Variants in UMAD1 observed in about 807,000 individuals in gnomAD.
The protein encoded by UMAD1 is UBAP1-MVB12-associated (UMA)-domain containing protein 1.
UMAD1 carries 8 observed loss-of-function variants against 6.1 expected under a neutral mutation model. The observed-to-expected ratio is 1.30, with a 90% CI of 0.76 to 2.35. The LOEUF (loss-of-function observed/expected upper bound fraction) is 2.35, where lower values mean the gene tolerates loss of function less well. Ranked by LOEUF, UMAD1 falls within the 30% of genes most tolerant of loss-of-function variation. The pLI is 0.00. For missense variants in UMAD1, 130 were observed against 78.4 expected (o/e 1.66, Z -2.49); for synonymous variants, 56 against 31.4 (o/e 1.78, Z -2.61).
At chr7:7,680,691 T>A (rs1041384972) in intron 2 of UMAD1, among the ~76,000 whole-genome samples, 4 of 152,134 alleles carry the variant, frequency 2.6e-5, no homozygotes, top group African/African-American at 9.7e-5. Flanking sequence ...TCTTTCCATT[T>A]TTTTTTATGT....
At chr7:7,864,868 G>C (rs549251467) in intron 3 of UMAD1, among the ~76,000 whole-genome samples, 2 of 152,178 alleles carry the variant, frequency 1.3e-5, no homozygotes, top group South Asian at 2.1e-4. Context: ...AGAAGAGCTA[G>C]AGATTGAGTT....
chr7:7,652,054 G>A (rs995780820), intron 1 of UMAD1, among the ~76,000 whole-genome samples: 1 of 152,170 alleles, frequency 6.6e-6, no homozygotes, highest in African/African-American at 2.4e-5. Context: ...ATCTAGTCCT[G>A]TAAGACTTTG....
At chr7:7,677,969 G>A (rs1277031506) in intron 2 of UMAD1, among the ~76,000 whole-genome samples, 3 of 151,898 alleles carry the variant, frequency 2.0e-5, no homozygotes, top group South Asian at 4.1e-4. Context: ...CACCGCGCCC[G>A]GCCTATCTAT....
chr7:7,780,066 C>T (rs536297623), intron 2 of UMAD1, among the ~76,000 whole-genome samples: 1 of 152,352 alleles, frequency 6.6e-6, no homozygotes, highest in East Asian at 1.9e-4. Context: ...ACTGACTGGC[C>T]TGCCAAGGGG....
intron 2 of UMAD1, among the ~76,000 whole-genome samples, chr7:7,737,597 C>T (rs1450052228): frequency 6.6e-6 from 1 of 152,198 alleles, no homozygotes; most frequent in African/African-American, 2.4e-5. Context: ...ATTCATTTCA[C>T]CTATGACAGT....
intron 3 of UMAD1, among the ~76,000 whole-genome samples, chr7:7,821,827 GATGTTT>G (rs1291317240): frequency 1.3e-5 from 2 of 152,120 alleles, no homozygotes. Flanking sequence ...GTATTCAGTT[GATGTTT>G]ATGGTAACAT....
chr7:7,728,479 G>A (rs1422173508), intron 2 of UMAD1, among the ~76,000 whole-genome samples: 2 of 151,954 alleles, frequency 1.3e-5, no homozygotes, highest in South Asian at 2.1e-4. Flanking sequence ...CCCCGTCTCT[G>A]CTAAAAATAC....
intron 3 of UMAD1, among the ~76,000 whole-genome samples, chr7:7,846,922 G>A: frequency 8.8e-6 from 1 of 113,386 alleles, no homozygotes; most frequent in African/African-American, 3.7e-5. Flanking sequence ...CGGGGGAGGG[G>A]GTAGGGATAG....
chr7:7,644,714 C>G (rs28916283), intron 1 of UMAD1, among the ~76,000 whole-genome samples: 6 of 152,068 alleles, frequency 3.9e-5, no homozygotes, highest in Admixed American at 3.9e-4. Flanking sequence ...TTTTTCTATC[C>G]CTGAACCACT....
intron 2 of UMAD1, chr7:7,676,311 G>A (rs530843420): frequency 5.1e-6 from 2 of 394,068 alleles, no homozygotes; most frequent in South Asian, 1.4e-4. Context: ...GTTAATGTGT[G>A]TAAAATGTTT....
intron 2 of UMAD1, among the ~76,000 whole-genome samples, chr7:7,708,566 G>A (rs996457361): frequency 2.0e-5 from 3 of 152,144 alleles, no homozygotes; most frequent in African/African-American, 7.2e-5. Flanking sequence ...TTGAAACATT[G>A]AAAGGAAACC....
chr7:7,747,391 C>A (rs1165207260), intron 2 of UMAD1, among the ~76,000 whole-genome samples: 18 of 152,136 alleles, frequency 1.2e-4, no homozygotes, highest in Admixed American at 1.2e-3. Flanking sequence ...TCAGAAATCC[C>A]TAGAACAAGG....
rs919392922 is a variant in UMAD1, at chr7:7,800,693, G to A, written c.83-977G>A. On this transcript the variant is annotated intron_variant, in intron 2 of 3. Transcript: ENST00000682710. ...TTCATGAGACTTTTCCTTGATTATA[G>A]CCATGAGTAAACTAAACTTTTGTGT... Among the ~76,000 whole-genome samples, 3 of 152,150 alleles carry A rather than the reference G, an allele frequency of 2.0e-5. No homozygotes were observed. In the East Asian group the frequency reaches 5.8e-4, roughly 29 times the overall value.
intron 2 of UMAD1, among the ~76,000 whole-genome samples, chr7:7,674,391 C>T (rs1408207553): frequency 1.3e-5 from 2 of 152,186 alleles, no homozygotes; most frequent in Non-Finnish European, 2.9e-5. Flanking sequence ...AGGGTAATCT[C>T]TGTGAGACCA....
At chr7:7,777,129 T>C (rs114905696) in intron 2 of UMAD1, among the ~76,000 whole-genome samples, 2,342 of 152,292 alleles carry the variant, frequency 0.015, 59 homozygotes, top group African/African-American at 0.053. Flanking sequence ...TGACAGTTAG[T>C]ATTGTATTAT....
intron 2 of UMAD1, among the ~76,000 whole-genome samples, chr7:7,734,916 C>T (rs534525317): frequency 1.3e-5 from 2 of 151,974 alleles, no homozygotes; most frequent in East Asian, 1.9e-4. Flanking sequence ...GACTACTATA[C>T]CAAAAAGCAG....
chr7:7,762,105 G>T (rs1001139362), intron 2 of UMAD1, among the ~76,000 whole-genome samples: 1 of 152,100 alleles, frequency 6.6e-6, no homozygotes, highest in Non-Finnish European at 1.5e-5. Flanking sequence ...TCCTTGTTTC[G>T]GGATGTATTT....
At chr7:7,719,322 G>A (rs1262065457) in intron 2 of UMAD1, among the ~76,000 whole-genome samples, 3 of 152,136 alleles carry the variant, frequency 2.0e-5, no homozygotes, top group Non-Finnish European at 4.4e-5. Flanking sequence ...GATTAAACTG[G>A]AGCAATATAA....
chr7:7,837,876 A>T (rs1364083886), intron 3 of UMAD1, among the ~76,000 whole-genome samples: 1 of 152,158 alleles, frequency 6.6e-6, no homozygotes, highest in Non-Finnish European at 1.5e-5. Flanking sequence ...GTTTTGAGAA[A>T]TAGGGTGACA....
Sources: gnomAD v4.1 joint callset for allele counts (sites outside exome capture counted in the v4.1 genomes callset) on GRCh38, gnomAD v4.1.1 for gene constraint, MANE v1.5 for transcripts, NCBI Gene and HGNC (gene_info 2026-07-23, HGNC 2026-07-21) for gene names.